GPM6B: variants seen among roughly 807,000 people sequenced by gnomAD.
The protein encoded by GPM6B is neuronal membrane glycoprotein M6-b.
Under a neutral mutation model 27.2 loss-of-function variants are expected in GPM6B, and 4 were observed. The ratio of observed to expected loss-of-function variants is 0.15; its 90% CI spans 0.07 to 0.34. The LOEUF (loss-of-function observed/expected upper bound fraction) is 0.34. Among genes scored for constraint, GPM6B ranks in the 10% least tolerant of loss-of-function variants. The probability of loss-of-function intolerance (pLI) is 1.00; values close to 1 mark genes in which losing one functional copy is unlikely to be tolerated. For synonymous variants in GPM6B, 124 were observed against 103.1 expected (o/e 1.20, Z -1.23); for missense variants, 183 against 261.9 (o/e 0.70, Z 2.08).
At chrX:13,886,983 A>AT (rs2050143500) in intron 1 of GPM6B, among the ~76,000 whole-genome samples, 1 of 110,520 alleles carries the variant, frequency 9.0e-6, no homozygotes, top group South Asian at 3.9e-4. Context: ...TAGCCAGCTA[A>AT]TTTTTTTGTA....
chrX:13,836,086 A>G (rs1277830717), intron 1 of GPM6B, among the ~76,000 whole-genome samples: 2 of 112,012 alleles, frequency 1.8e-5, no homozygotes, highest in Non-Finnish European at 3.8e-5. Flanking sequence ...AATAAGCAAG[A>G]TGTGTTAAAC....
In GPM6B at chrX:13,823,832, T is replaced by C. The variant is rs1257200104; in HGVS notation, c.-197-38024A>G. 3.6e-5 allele frequency among the ~76,000 whole-genome samples: 4 copies of C among 112,203 alleles called. No homozygotes were observed. In the Admixed American group the frequency reaches 3.8e-4, roughly 11 times the overall value. The stretch of plus-strand genomic sequence containing the variant: ...CGCACCCAGCTTCCACTGAACCTCA[T>C]TTTCAAAAGGAGAGCAAGAGAATAA... On this transcript the variant is annotated intron_variant, in intron 1 of 6. Coordinates refer to the GPM6B transcript ENST00000398361.
rs36124011 is a variant in GPM6B at position 13,771,387 on chromosome X, TA to T, written c.*1493del. 30,775 of 100,421 alleles carry T rather than the reference TA, an allele frequency of 0.31. 4,147 individuals carry two copies. Among genetic ancestry groups the T allele is most frequent in the African/African-American group, 0.46 (12,756 of 27,856 alleles). The allele number at this position is 100,421 out of a possible 1,213,427, so 8.3% of individuals were successfully genotyped here. A position where few individuals can be genotyped will look rare whatever the true frequency, so the allele number is the denominator to read the frequency against. ...ACACAGAAGAGAGCTTCTCTTAATTTAAAAAAAAAAAAAAATCCCAAATAGG... is the reference window on the plus strand; with the variant it reads ...ACACAGAAGAGAGCTTCTCTTAATTTAAAAAAAAAAAAAATCCCAAATAGG... On this transcript the variant is annotated 3_prime_UTR_variant, in exon 8 of 8. Transcript: ENST00000316715.
chrX:13,884,991 G>A (rs1455062974), intron 1 of GPM6B, among the ~76,000 whole-genome samples: 1 of 111,976 alleles, frequency 8.9e-6, no homozygotes, highest in East Asian at 2.8e-4. Context: ...AGAAAAAGGG[G>A]TAGAAAATAA....
At chrX:13,846,967 A>G (rs1294857274) in intron 1 of GPM6B, among the ~76,000 whole-genome samples, 1 of 110,153 alleles carries the variant, frequency 9.1e-6, no homozygotes, top group Non-Finnish European at 1.9e-5. Flanking sequence ...CAACCATACC[A>G]GTGAAACTAC....
chrX:13,793,752 T>C (rs746289813), intron 2 of GPM6B, among the ~76,000 whole-genome samples: 15 of 111,544 alleles, frequency 1.3e-4, no homozygotes, highest in African/African-American at 4.2e-4. Flanking sequence ...TCAGAATTTA[T>C]TGGGGACGGG....
chrX:13,811,831 G>A (rs770014215), intron 1 of GPM6B, among the ~76,000 whole-genome samples: 2 of 111,200 alleles, frequency 1.8e-5, no homozygotes, highest in South Asian at 3.8e-4. Context: ...ACTCTTTGAC[G>A]AGAAATATCA....
At position 13,811,277 on chromosome X, in the gene GPM6B, T is replaced by C. The variant is rs750204683; in HGVS notation, c.62-3508A>G. Among the ~76,000 whole-genome samples, 26 of 112,318 alleles carry C rather than the reference T, an allele frequency of 2.3e-4. No homozygotes were observed. In the South Asian group the frequency reaches 4.5e-3, roughly 19 times the overall value. ...AAAAGGAAAGCAAAACAATGCCTTG[T>C]TTATTTTTCCCCATTTACTTATTTA... On this transcript the variant is annotated intron_variant, in intron 1 of 7. Transcript: ENST00000316715.
intron 1 of GPM6B, among the ~76,000 whole-genome samples, chrX:13,929,055 G>A (rs754673162): frequency 2.7e-5 from 3 of 112,142 alleles, no homozygotes; most frequent in South Asian, 7.5e-4. Context: ...AGGACGGAAC[G>A]TGCAGGAAGG....
At chrX:13,839,259 C>T (rs1486543539) in intron 1 of GPM6B, among the ~76,000 whole-genome samples, 1 of 111,593 alleles carries the variant, frequency 9.0e-6, no homozygotes, top group Non-Finnish European at 1.9e-5. Flanking sequence ...TCTTTAAATG[C>T]ACCTATGGTC....
chrX:13,864,249 C>T (rs765917528), intron 1 of GPM6B, among the ~76,000 whole-genome samples: 65 of 112,857 alleles, frequency 5.8e-4, no homozygotes, highest in African/African-American at 1.5e-3. Context: ...AATAAATCAG[C>T]GAAATAGATC....
intron 3 of GPM6B, 134 bp from the exon 4 acceptor site, chrX:13,783,655 G>C: frequency 3.6e-6 from 2 of 551,149 alleles, no homozygotes; most frequent in East Asian, 3.5e-5. Context: ...GGCTTTGATG[G>C]ACTTGTGGGG....
chrX:13,816,991 G>A lies in GPM6B; in HGVS notation c.-87C>T. ...TTCCTTTTCTTTTGGACTCCCCTCC[G>A]TCTCTTATTTACACCCGTCTGATTG... On this transcript the variant is annotated 5_prime_UTR_variant, in exon 1 of 8. The change creates a new upstream start codon in the 5' untranslated region. Coordinates refer to ENST00000316715, the MANE Select transcript of GPM6B (RefSeq NM_001001995.3). The A allele has an allele frequency of 5.2e-6, 6 of 1,144,789 alleles. No homozygotes were observed. The highest frequency in any genetic ancestry group is 5.8e-6 in the Non-Finnish European group (5 of 866,487). The allele number at this position is 1,144,789 out of a possible 1,213,427, so 94.3% of individuals were successfully genotyped here.
intron 1 of GPM6B, among the ~76,000 whole-genome samples, chrX:13,822,798 ATAG>A (rs778556209): frequency 4.5e-5 from 5 of 111,998 alleles, no homozygotes; most frequent in Non-Finnish European, 9.4e-5. Context: ...GAATTCTTAA[ATAG>A]TAGACAGAAA....
chrX:13,900,510 C>A (rs1013864294), intron 1 of GPM6B, among the ~76,000 whole-genome samples: 13 of 110,707 alleles, frequency 1.2e-4, no homozygotes, highest in African/African-American at 3.6e-4. Flanking sequence ...TAGCTGTAGA[C>A]ATATGAGGTT....
chrX:13,872,628 C>T (rs1233088725), intron 1 of GPM6B, among the ~76,000 whole-genome samples: 3 of 107,362 alleles, frequency 2.8e-5, no homozygotes, highest in African/African-American at 1.0e-4. Context: ...GACAGTAGCA[C>T]ACAGAGCGGA....
intron 1 of GPM6B, among the ~76,000 whole-genome samples, chrX:13,842,742 T>A (rs991170444): frequency 4.9e-4 from 54 of 110,121 alleles, no homozygotes; most frequent in African/African-American, 1.6e-3. Context: ...AGAAAAAAAA[T>A]TTTTTAAAAG....
chrX:13,783,570 G>C, intron 3 of GPM6B, 49 bp from the exon 4 acceptor site: 1 of 1,045,736 alleles, frequency 9.6e-7, no homozygotes, highest in Non-Finnish European at 1.3e-6. Flanking sequence ...CTGCCTGGTA[G>C]TGACTACGTT....
At chrX:13,822,176 CAAG>C (rs1394922293), upstream of GPM6B, among the ~76,000 whole-genome samples, 1 of 111,397 alleles carries the variant, frequency 9.0e-6, no homozygotes, top group Admixed American at 9.5e-5. Context: ...ATTTAAGCAA[CAAG>C]AAACACCCTG....
Sources: allele counts gnomAD v4.1 joint callset (sites outside exome capture counted in the v4.1 genomes callset), GRCh38; gene constraint gnomAD v4.1.1; transcripts MANE v1.5; gene names NCBI Gene and HGNC (gene_info 2026-07-23, HGNC 2026-07-21).